ZNF677: variants seen among roughly 807,000 people sequenced by gnomAD.
The protein encoded by ZNF677 is hypothetical protein MGC48625.
Under a neutral mutation model 8.1 loss-of-function variants are expected in ZNF677, and 5 were observed. That is an observed-to-expected ratio of 0.62 (90% CI 0.32 to 1.29). The LOEUF (loss-of-function observed/expected upper bound fraction) is 1.29, where lower values mean the gene tolerates loss of function less well. ZNF677 is among the 50% of genes most tolerant of loss of function. ZNF677 has a pLI of 0.05. For missense variants in ZNF677, 685 were observed against 685.9 expected (o/e 1.00, Z 0.01); for synonymous variants, 221 against 225.6 (o/e 0.98, Z 0.18).
chr19:53,251,651 CCCTGCCTCTA>C, intron 2 of ZNF677, 46 bp from the exon 3 acceptor site: 1 of 1,407,730 alleles, frequency 7.1e-7, no homozygotes, highest in South Asian at 1.2e-5. Flanking sequence ...TCAACACACC[CCCTGCCTCTA>C]CCACACACAC....
rs546872165 is a variant in ZNF677, at chr19:53,236,044, A to G, written c.*928T>C. 1.3e-5 allele frequency: 2 copies of G among 152,228 alleles called. No individual in the cohort carries two copies. Among genetic ancestry groups the G allele is most frequent in the East Asian group, 3.9e-4 (2 of 5,154 alleles). The allele number at this position is 152,228 out of a possible 1,614,324, so 9.4% of individuals were successfully genotyped here. A position where few individuals can be genotyped will look rare whatever the true frequency, so the allele number is the denominator to read the frequency against. On this transcript the variant is annotated 3_prime_UTR_variant, in exon 5 of 5. Transcript: ENST00000598513. ...TCTCTACTAAAAATACAAAAACAAA[A>G]AAACAAAAAACTAGCCAGGCATGAT... is the stretch of plus-strand genomic sequence containing the variant.
In ZNF677 at chr19:53,243,589, G is replaced by A. The variant is rs913168253; in HGVS notation, c.169+155C>T. On this transcript the variant is annotated intron_variant, in intron 4 of 4. Transcript: ENST00000598513. ...CGCAGAACTTCTGAAGAAAGGGGAA[G>A]TTTAAAGTCTATATGCTACATTATG... 8 of 957,784 alleles carry A rather than the reference G, an allele frequency of 8.4e-6. No homozygotes were observed. In the African/African-American group the frequency reaches 1.3e-4, roughly 16 times the overall value. The allele number at this position is 957,784 out of a possible 1,614,324, so 59.3% of individuals were successfully genotyped here.
At chr19:53,241,463 C>A in intron 4 of ZNF677, 1 of 185,884 alleles carries the variant, frequency 5.4e-6, no homozygotes, top group Non-Finnish European at 1.1e-5. Flanking sequence ...TACAACTGCA[C>A]GTATGGGATG....
chr19:53,251,714 C>A, intron 2 of ZNF677, 109 bp from the exon 3 acceptor site: 3 of 686,150 alleles, frequency 4.4e-6, no homozygotes, highest in South Asian at 4.2e-5. Flanking sequence ...TCCTTAGCTT[C>A]CAATTGCAAC....
intron 1 of ZNF677, among the ~76,000 whole-genome samples, chr19:53,253,803 G>T (rs2091272784): frequency 6.6e-6 from 1 of 152,030 alleles, no homozygotes; most frequent in Non-Finnish European, 1.5e-5. Context: ...ATAAATTATG[G>T]AATTACATTT....
At chr19:53,251,735 A>G in intron 2 of ZNF677, 130 bp from the exon 3 acceptor site, 4 of 626,534 alleles carry the variant, frequency 6.4e-6, no homozygotes, top group Non-Finnish European at 1.1e-5. Context: ...AAGAGTGAAA[A>G]TAAACTCATG....
Position 53,243,734 on chromosome 19 carries a change from G to A in ZNF677, c.169+10C>T. 1 of 1,614,172 alleles carries A rather than the reference G, an allele frequency of 6.2e-7. No individual in the cohort carries two copies. Among genetic ancestry groups the A allele is most frequent in the Non-Finnish European group, 8.5e-7 (1 of 1,180,008 alleles). On this transcript the variant is annotated intron_variant, in intron 4 of 4. Transcript: ENST00000598513. ...CAAGGAAAAATGTAAAGATGTACAA[G>A]GGTGGTTACCATCTTCTGGAGGGAT...
rs759483949 is a variant in ZNF677, at chr19:53,243,829, G to A, written c.84C>T (p.Ala28=). 2 of 1,614,060 alleles carry A rather than the reference G, an allele frequency of 1.2e-6. No homozygotes were observed. Among genetic ancestry groups the A allele is most frequent in the South Asian group, 2.2e-5 (2 of 91,070 alleles). The change falls in exon 4 of 5, where the codon GCC becomes GCT. Residue 28 remains alanine, a synonymous_variant. Coordinates refer to ENST00000598513, the MANE Select transcript of ZNF677 (RefSeq NM_182609.4). ...SQEEWECLDP[A]QRALYRDVML... ...TCACGTCCCTGTACAAGGCCCTCTG[G>A]GCAGGGTCCAGGCACTCCCACTCCT...
chr19:53,244,088 G>A (rs1182185601), intron 3 of ZNF677, 191 bp from the exon 4 acceptor site: 1 of 574,798 alleles, frequency 1.7e-6, no homozygotes, highest in East Asian at 3.2e-5. Context: ...GAGGCTGGGT[G>A]CAGTGGCTCA....
rs770879205 is a variant in ZNF677 at position 53,237,205 on chromosome 19, T to C, written c.1522A>G (p.Ile508Val). 6.2e-6 allele frequency: 10 copies of C among 1,612,886 alleles called. No homozygotes were observed. Among genetic ancestry groups the C allele is most frequent in the Non-Finnish European group, 8.5e-6 (10 of 1,179,094 alleles). ...TTGTAAGGTTTCTCTCCAGTATGGA[T>C]TTTCTTATGCTGAGTAAGATTTGAA... Reference protein sequence around the residue: ...ERSNLTQHKKIHTGEKPYKCT... With the variant: ...ERSNLTQHKKVHTGEKPYKCT... Residue 508 changes from isoleucine to valine, a missense_variant, in exon 5 of 5, where the codon ATC becomes GTC. Transcript: ENST00000598513.
intron 4 of ZNF677, chr19:53,242,453 G>GATAT: frequency 5.0e-6 from 2 of 398,610 alleles, no homozygotes; most frequent in Non-Finnish European, 8.8e-6. Context: ...AAAAGAATGA[G>GATAT]ATATATTCCC....
At position 53,246,953 on chromosome 19, in the gene ZNF677, T is replaced by A. The variant is rs370938469; in HGVS notation, c.16-3056A>T. Among the ~76,000 whole-genome samples, 3 of 152,278 alleles carry A rather than the reference T, an allele frequency of 2.0e-5. No homozygotes were observed. In the East Asian group the frequency reaches 5.8e-4, roughly 29 times the overall value. On this transcript the variant is annotated intron_variant, in intron 3 of 4. Transcript: ENST00000598513. Reference sequence around the variant, plus strand: ...ATATGTTTATGACAGATTGTAGTGGTGGTGTCAGAGGTATATACTGATCTC... The same window carrying A: ...ATATGTTTATGACAGATTGTAGTGGAGGTGTCAGAGGTATATACTGATCTC...
chr19:53,237,135 G>A lies in ZNF677; in HGVS notation c.1592C>T (p.Thr531Ile). Residue 531 changes from threonine to isoleucine, a missense_variant, in exon 5 of 5, where the codon ACT (threonine) becomes ATT (isoleucine). By Grantham distance (89) the Thr-to-Ile change is moderately conservative. Transcript: ENST00000598513. The part of the protein sequence containing the change: ...GKAFTQFANL[T>I]RHQKIHIEKK... ...TTCAATGTGTATTTTCTGGTGTCTA[G>A]TGAGGTTTGCAAATTGGGTAAAAGC... 6.2e-7 allele frequency: 1 copy of A among 1,613,830 alleles called. No homozygotes were observed. The highest frequency in any genetic ancestry group is 2.2e-5 in the East Asian group (1 of 44,874).
intron 4 of ZNF677, chr19:53,239,181 G>C (rs1218063478): frequency 2.0e-5 from 3 of 152,048 alleles, no homozygotes; most frequent in African/African-American, 7.2e-5. Flanking sequence ...AATATATACT[G>C]AAAAACCATC....
At chr19:53,238,585 T>C (rs995521725) in intron 4 of ZNF677, 28 bp from the exon 5 acceptor site, 25 of 1,512,774 alleles carry the variant, frequency 1.7e-5, no homozygotes, top group Non-Finnish European at 2.0e-5. Context: ...AACCACAGGC[T>C]TTCCATCAAA....
chr19:53,237,986 A>T lies in ZNF677; in HGVS notation c.741T>A (p.Pro247=). ...TTCTCCCATACTGTGTATGTAATAAAGGGTATTTCAAAATCTTCCTATATT... is the reference window on the plus strand; with the variant it reads ...TTCTCCCATACTGTGTATGTAATAATGGGTATTTCAAAATCTTCCTATATT... The part of the protein sequence containing the change: ...CNKYRKILKY[P]LLHTQYGRTH... The change falls in exon 5 of 5, where the codon CCT becomes CCA. Residue 247 remains proline (P), a synonymous_variant. Coordinates refer to ENST00000598513, the MANE Select transcript of ZNF677 (RefSeq NM_182609.4). 1 of 1,613,032 alleles carries T rather than the reference A, an allele frequency of 6.2e-7. No homozygotes were observed. Among genetic ancestry groups the T allele is most frequent in the Non-Finnish European group, 8.5e-7 (1 of 1,179,846 alleles).
chr19:53,237,103 G>GT lies in ZNF677; in HGVS notation c.1623dup (p.His542ThrfsTer3). On this transcript the variant is annotated frameshift_variant, in exon 5 of 5. Coordinates refer to ENST00000598513, the MANE Select transcript of ZNF677 (RefSeq NM_182609.4). LOFTEE classifies it low-confidence loss of function (END_TRUNC). ...TTACCATGTATATTATGTTTACAAT[G>GT]TTTCTTTTCAATGTGTATTTTCTGG... The GT allele has an allele frequency of 6.2e-7, 1 of 1,613,796 alleles. No homozygotes were observed. Among genetic ancestry groups the GT allele is most frequent in the Non-Finnish European group, 8.5e-7 (1 of 1,179,898 alleles).
At position 53,251,588 on chromosome 19, in the gene ZNF677, T is replaced by C. The variant is rs771169707; in HGVS notation, c.-38A>G. ...TTTCTTTCCTCTTCCTCTGAGTTTC[T>C]TTCTCAGGTAAGTCAGTCTGTATGT... On this transcript the variant is annotated 5_prime_UTR_variant, in exon 3 of 5. Coordinates refer to ENST00000598513, the MANE Select transcript of ZNF677 (RefSeq NM_182609.4). 7 of 1,613,570 alleles carry C rather than the reference T, an allele frequency of 4.3e-6. No homozygotes were observed. Among genetic ancestry groups the C allele is most frequent in the South Asian group, 2.2e-5 (2 of 91,004 alleles).
Position 53,248,427 on chromosome 19 carries a change from G to C in ZNF677, c.15+3109C>G, listed in dbSNP as rs116629735. Among the ~76,000 whole-genome samples, 568 of 152,238 alleles carry C rather than the reference G, an allele frequency of 3.7e-3. 2 individuals carry two copies. Among genetic ancestry groups the C allele is most frequent in the African/African-American group, 0.013 (544 of 41,542 alleles). The stretch of plus-strand genomic sequence containing the variant: ...TTACCTGTATTAATTTGTTTTTATG[G>C]CTTTAAGGTACTGCTGGTGTCCTTT... On this transcript the variant is annotated intron_variant, in intron 3 of 4. Transcript: ENST00000598513.
Sources: gnomAD v4.1 joint callset for allele counts (sites outside exome capture counted in the v4.1 genomes callset) on GRCh38, gnomAD v4.1.1 for gene constraint, MANE v1.5 for transcripts, NCBI Gene and HGNC (gene_info 2026-07-23, HGNC 2026-07-21) for gene names.